The following SLC25A26 variants were observed in gnomAD, a reference collection of about 807,000 sequenced individuals.
SLC25A26 encodes the protein mitochondrial S-adenosylmethionine carrier protein.
Under a neutral mutation model 37.8 loss-of-function variants are expected in SLC25A26, and 36 were observed. That is an observed-to-expected ratio of 0.95 (90% CI 0.73 to 1.26). SLC25A26 has a LOEUF of 1.26. SLC25A26 is among the 50% of genes most tolerant of loss of function. The pLI, the probability that SLC25A26 is intolerant of heterozygous loss-of-function variation, is 0.00. For synonymous variants in SLC25A26, 129 were observed against 122.5 expected (o/e 1.05, Z -0.35); for missense variants, 390 against 331.1 (o/e 1.18, Z -1.38).
At chr3:66,349,860 A>G (rs761564442) in intron 6 of SLC25A26, among the ~76,000 whole-genome samples, 4 of 152,210 alleles carry the variant, frequency 2.6e-5, no homozygotes, top group African/African-American at 7.2e-5. Context: ...CATCCATGTC[A>G]TTTCTTGTTA....
intron 3 of SLC25A26, among the ~76,000 whole-genome samples, chr3:66,250,850 A>G (rs13075027): frequency 0.22 from 33,285 of 152,166 alleles, 3,993 homozygotes; most frequent in Admixed American, 0.28. Flanking sequence ...TTGTGCATCT[A>G]TTTAAGGTAT....
intron 5 of SLC25A26, among the ~76,000 whole-genome samples, chr3:66,306,024 G>T (rs1327763261): frequency 1.3e-5 from 2 of 151,412 alleles, no homozygotes; most frequent in Non-Finnish European, 2.9e-5. Context: ...TCGCTCTGTT[G>T]CCTAGGCTGG....
At chr3:66,360,295 C>G (rs1218305720) in intron 6 of SLC25A26, among the ~76,000 whole-genome samples, 1 of 152,074 alleles carries the variant, frequency 6.6e-6, no homozygotes, top group Admixed American at 6.6e-5. Context: ...ACTTTTCTAA[C>G]CATTTAAATT....
chr3:66,236,148 G>A (rs1160128012), intron 1 of SLC25A26, among the ~76,000 whole-genome samples: 3 of 147,934 alleles, frequency 2.0e-5, no homozygotes, highest in Non-Finnish European at 4.4e-5. Context: ...CTGGCCTCAA[G>A]TGATCCTCCC....
At chr3:66,266,952 T>A (rs1415036236) in intron 5 of SLC25A26, among the ~76,000 whole-genome samples, 1 of 152,184 alleles carries the variant, frequency 6.6e-6, no homozygotes, top group Non-Finnish European at 1.5e-5. Context: ...GCAGATTGTT[T>A]CAAAAGAAGT....
intron 7 of SLC25A26, among the ~76,000 whole-genome samples, chr3:66,368,269 G>C (rs1284763217): frequency 1.3e-5 from 2 of 152,190 alleles, no homozygotes; most frequent in African/African-American, 2.4e-5. Context: ...CTGAATCTTT[G>C]TAATGCCTTT....
chr3:66,286,082 T>C (rs2074503789), intron 5 of SLC25A26, among the ~76,000 whole-genome samples: 1 of 152,242 alleles, frequency 6.6e-6, no homozygotes, highest in African/African-American at 2.4e-5. Context: ...GTTTCGAAAG[T>C]TCTTTATATA....
At chr3:66,255,210 C>T (rs530022478) in intron 3 of SLC25A26, among the ~76,000 whole-genome samples, 1 of 152,260 alleles carries the variant, frequency 6.6e-6, no homozygotes, top group East Asian at 1.9e-4. Flanking sequence ...AACTTGTGAC[C>T]TCAAGTTATC....
intron 6 of SLC25A26, among the ~76,000 whole-genome samples, chr3:66,352,428 G>GGTTTTTTT (rs1453710384): frequency 7.9e-6 from 1 of 126,684 alleles, no homozygotes; most frequent in African/African-American, 3.4e-5. Flanking sequence ...CTCGTTTTTT[G>GGTTTTTTT]TTTTTTGTTT....
intron 1 of SLC25A26, among the ~76,000 whole-genome samples, chr3:66,183,780 T>C (rs1203964931): frequency 6.6e-6 from 1 of 152,044 alleles, no homozygotes; most frequent in Non-Finnish European, 1.5e-5. Context: ...AACGTGATGC[T>C]AAATAAGCAC....
intron 1 of SLC25A26, among the ~76,000 whole-genome samples, chr3:66,154,226 G>A (rs1020776116): frequency 4.6e-5 from 7 of 152,004 alleles, no homozygotes; most frequent in Admixed American, 3.3e-4. Flanking sequence ...CATTTATACA[G>A]CACTGCAGAT....
intron 5 of SLC25A26, among the ~76,000 whole-genome samples, chr3:66,282,144 T>G (rs1234126784): frequency 7.2e-5 from 11 of 151,956 alleles, no homozygotes; most frequent in Non-Finnish European, 1.5e-5. Flanking sequence ...CCCGAGTAGC[T>G]GGGACTACAG....
intron 1 of SLC25A26, among the ~76,000 whole-genome samples, chr3:66,206,818 A>G (rs1418900100): frequency 1.3e-5 from 2 of 148,386 alleles, no homozygotes; most frequent in Non-Finnish European, 3.0e-5. Flanking sequence ...CAATCCTCCC[A>G]TCCTTCCACT....
chr3:66,363,075 TAGA>T (rs1489698239), intron 7 of SLC25A26, 146 bp downstream of exon 7: 21 of 394,218 alleles, frequency 5.3e-5, no homozygotes, highest in Non-Finnish European at 8.4e-5. Context: ...GAACGTGTCT[TAGA>T]GGGGAAAAAA....
At chr3:66,228,081 G>A (rs1383420391) in intron 1 of SLC25A26, among the ~76,000 whole-genome samples, 1 of 152,178 alleles carries the variant, frequency 6.6e-6, no homozygotes, top group Non-Finnish European at 1.5e-5. Context: ...GTCAGAGTGA[G>A]CAGGTCTTCC....
At chr3:66,229,469 T>C (rs2071907995) in intron 1 of SLC25A26, among the ~76,000 whole-genome samples, 3 of 152,182 alleles carry the variant, frequency 2.0e-5, no homozygotes, top group Admixed American at 1.3e-4. Context: ...GCTGTTCTCC[T>C]GATGGTGAGT....
chr3:66,151,573 A>C (rs756969491), intron 1 of SLC25A26, among the ~76,000 whole-genome samples: 7 of 152,084 alleles, frequency 4.6e-5, no homozygotes, highest in Non-Finnish European at 8.8e-5. Context: ...TCCATGCCCA[A>C]CTCTCTGCAC....
rs149538071 is a variant in SLC25A26 at position 66,156,112 on chromosome 3, G to A, written c.-354+22128G>A. Among the ~76,000 whole-genome samples the A allele has an allele frequency of 4.7e-3, 714 of 152,272 alleles. 3 individuals carry two copies. Among genetic ancestry groups the A allele is most frequent in the Non-Finnish European group, 8.3e-3 (565 of 68,030 alleles). ...CCAGAAGCAGGGGCTCAGAGGGAAA[G>A]CCAGGATACAAATTCCAACAGGGAG... On this transcript the variant is annotated intron_variant, in intron 1 of 10. Transcript: ENST00000676754.
At chr3:66,190,261 G>C (rs1049536195) in intron 1 of SLC25A26, among the ~76,000 whole-genome samples, 135 of 151,498 alleles carry the variant, frequency 8.9e-4, no homozygotes, top group Non-Finnish European at 1.5e-3. Flanking sequence ...GTTGCAGTGA[G>C]CTGAGATTGC....
Sources: gnomAD v4.1 joint callset for allele counts (sites outside exome capture counted in the v4.1 genomes callset) on GRCh38, gnomAD v4.1.1 for gene constraint, MANE v1.5 for transcripts, NCBI Gene and HGNC (gene_info 2026-07-23, HGNC 2026-07-21) for gene names.